Variants in RBMS3 observed in about 807,000 individuals in gnomAD.
The protein encoded by RBMS3 is RNA-binding motif, single-stranded-interacting protein 3.
In RBMS3, 27 loss-of-function variants were observed where a neutral mutation model predicts 66.8. That is an observed-to-expected ratio of 0.40 (90% CI 0.30 to 0.56). The LOEUF (loss-of-function observed/expected upper bound fraction) is 0.56. Ranked by LOEUF, RBMS3 falls within the 20% of genes least tolerant of loss-of-function variation. RBMS3 has a pLI of 0.40. For missense variants in RBMS3, 513 were observed against 549.5 expected, an observed-to-expected ratio of 0.93 and a Z score of 0.66; for synonymous variants, 188 against 183.0, an observed-to-expected ratio of 1.03 and a Z score of -0.22.
chr3:29,708,934 G>A (rs1272954058), intron 4 of RBMS3, among the ~76,000 whole-genome samples: 5 of 152,158 alleles, frequency 3.3e-5, no homozygotes, highest in Admixed American at 2.0e-4. Flanking sequence ...CCAAGGTCAC[G>A]CCTTCCATGG....
At chr3:29,333,384 G>T (rs1369004638) in intron 1 of RBMS3, among the ~76,000 whole-genome samples, 3 of 152,078 alleles carry the variant, frequency 2.0e-5, no homozygotes, top group South Asian at 2.1e-4. Context: ...GCATCAGCAC[G>T]TATAACATTC....
intron 9 of RBMS3, among the ~76,000 whole-genome samples, chr3:29,898,935 A>G (rs889969919): frequency 2.0e-5 from 3 of 151,554 alleles, no homozygotes; most frequent in African/African-American, 7.3e-5. Flanking sequence ...AAAAGAAGAG[A>G]TTACAGCAAT....
At chr3:29,702,618 G>A (rs182010478) in intron 4 of RBMS3, among the ~76,000 whole-genome samples, 100 of 152,260 alleles carry the variant, frequency 6.6e-4, no homozygotes, top group Non-Finnish European at 1.1e-3. Flanking sequence ...CCTGAGGCCA[G>A]CGAGACCACA....
intron 5 of RBMS3, among the ~76,000 whole-genome samples, chr3:29,741,137 C>T (rs140544718): frequency 6.6e-6 from 1 of 151,952 alleles, no homozygotes; most frequent in African/African-American, 2.4e-5. Flanking sequence ...TAATCTCTAA[C>T]TTTATTTCCT....
At chr3:29,535,962 T>C (rs2045541922) in intron 3 of RBMS3, among the ~76,000 whole-genome samples, 1 of 152,136 alleles carries the variant, frequency 6.6e-6, no homozygotes, top group Non-Finnish European at 1.5e-5. Context: ...ATAGTTTCCA[T>C]AGTGTACTAA....
intron 1 of RBMS3, among the ~76,000 whole-genome samples, chr3:29,390,065 C>G (rs1187469110): frequency 6.6e-6 from 1 of 152,060 alleles, no homozygotes; most frequent in Non-Finnish European, 1.5e-5. Context: ...TCTAAAAGAC[C>G]CCTCCTACAA....
At chr3:29,310,795 A>G (rs996238630) in intron 1 of RBMS3, among the ~76,000 whole-genome samples, 2 of 151,768 alleles carry the variant, frequency 1.3e-5, no homozygotes, top group African/African-American at 4.8e-5. Context: ...GTGGCACTTC[A>G]GGGAGCAGCA....
intron 1 of RBMS3, among the ~76,000 whole-genome samples, chr3:29,303,644 A>G (rs1051573519): frequency 2.0e-5 from 3 of 152,064 alleles, no homozygotes; most frequent in African/African-American, 4.8e-5. Flanking sequence ...CAAGAGAAAA[A>G]TACATATCAA....
intron 6 of RBMS3, among the ~76,000 whole-genome samples, chr3:29,828,980 TTCTTTCTTTC>T (rs1267137930): frequency 2.8e-4 from 3 of 10,696 alleles, no homozygotes; most frequent in Non-Finnish European, 4.7e-4. Flanking sequence ...GCGAGTGACT[TTCTTTCTTTC>T]TTTCTTTCTT....
chr3:29,598,078 T>C (rs2048018668), intron 4 of RBMS3, among the ~76,000 whole-genome samples: 4 of 152,114 alleles, frequency 2.6e-5, no homozygotes, highest in Admixed American at 2.6e-4. Flanking sequence ...AAGAATGACA[T>C]ATTACTTGTG....
At chr3:29,721,753 G>A (rs943084171) in intron 4 of RBMS3, among the ~76,000 whole-genome samples, 1 of 152,188 alleles carries the variant, frequency 6.6e-6, no homozygotes, top group East Asian at 1.9e-4. Context: ...ATCTGGCAGA[G>A]TCAGGTGAGC....
intron 5 of RBMS3, 117 bp from the exon 6 acceptor site, chr3:29,762,793 C>G: frequency 1.4e-6 from 1 of 703,198 alleles, no homozygotes; most frequent in Non-Finnish European, 2.5e-6. Context: ...AAAAAGTTGG[C>G]AATTAGGGTA....
At chr3:29,690,501 CCTCTAATCAATTAT>C (rs2051955845) in intron 4 of RBMS3, among the ~76,000 whole-genome samples, 1 of 152,168 alleles carries the variant, frequency 6.6e-6, no homozygotes, top group African/African-American at 2.4e-5. Flanking sequence ...TTGTTCTTCA[CCTCTAATCAATTAT>C]CTCTAATCAA....
At chr3:29,665,442 A>G (rs78732941) in intron 4 of RBMS3, among the ~76,000 whole-genome samples, 4,314 of 152,358 alleles carry the variant, frequency 0.028, 63 homozygotes, top group Admixed American at 0.036. Flanking sequence ...CCAAATAACT[A>G]TTTCAATAAT....
At chr3:29,521,053 AC>A (rs1353011417) in intron 3 of RBMS3, among the ~76,000 whole-genome samples, 1 of 151,752 alleles carries the variant, frequency 6.6e-6, no homozygotes, top group Non-Finnish European at 1.5e-5. Context: ...CTAAAATAGC[AC>A]CCTGTCACTC....
At chr3:29,683,552 T>A (rs1234938675) in intron 4 of RBMS3, among the ~76,000 whole-genome samples, 1 of 152,058 alleles carries the variant, frequency 6.6e-6, no homozygotes, top group Admixed American at 6.6e-5. Flanking sequence ...TTCTACCCAG[T>A]CTCATGCTAA....
rs1033721634 is a variant in RBMS3, at chr3:29,350,894, T to A, written c.75+69138T>A. Among the ~76,000 whole-genome samples the A allele has an allele frequency of 9.8e-4, 148 of 150,982 alleles. 1 individual carries two copies. The highest frequency in any genetic ancestry group is 3.3e-3 in the African/African-American group (134 of 41,206). On this transcript the variant is annotated intron_variant, in intron 1 of 14. Coordinates refer to ENST00000383767, the MANE Select transcript of RBMS3 (RefSeq NM_001003793.3). ...TAATGTGCATGGTAAAAAAAAAAAA[T>A]TAATACTATGGAAAGCTATAAAAGG...
chr3:29,985,364 A>G (rs1698306050), intron 12 of RBMS3, among the ~76,000 whole-genome samples: 1 of 151,856 alleles, frequency 6.6e-6, no homozygotes, highest in South Asian at 2.1e-4. Context: ...AAGGGAGTGA[A>G]TGGTTTGTCT....
intron 4 of RBMS3, chr3:29,698,138 A>C (rs973049696): frequency 1.1e-6 from 1 of 901,228 alleles, no homozygotes; most frequent in African/African-American, 1.8e-5. Flanking sequence ...GGCTGTGCCT[A>C]CATTCCAGTG....
Sources: allele counts gnomAD v4.1 joint callset (sites outside exome capture counted in the v4.1 genomes callset), GRCh38; gene constraint gnomAD v4.1.1; transcripts MANE v1.5; gene names NCBI Gene and HGNC (gene_info 2026-07-23, HGNC 2026-07-21).